The following CEP162 variants were observed in gnomAD, a reference collection of about 807,000 sequenced individuals.
CEP162 encodes the protein centrosomal protein 162, also known as centrosomal protein of 162 kDa.
In CEP162, 141 loss-of-function variants were observed where a neutral mutation model predicts 169.2. That is an observed-to-expected ratio of 0.83 (90% CI 0.73 to 0.96). The LOEUF is 0.96. Ranked by LOEUF, CEP162 falls within the 40% of genes least tolerant of loss-of-function variation. CEP162 has a pLI of 0.00. For synonymous variants in CEP162, 540 were observed against 526.4 expected, an observed-to-expected ratio of 1.03 and a Z score of -0.35; for missense variants, 1,600 against 1,587.2, an observed-to-expected ratio of 1.01 and a Z score of -0.14.
At chr6:84,166,401 G>A (rs1243545710) in intron 18 of CEP162, among the ~76,000 whole-genome samples, 2 of 152,088 alleles carry the variant, frequency 1.3e-5, no homozygotes, top group Non-Finnish European at 2.9e-5. Context: ...GAGCTTTCCT[G>A]TCCACACTAT....
At chr6:84,162,997 T>C in intron 19 of CEP162, 147 bp downstream of exon 19, 1 of 724,958 alleles carries the variant, frequency 1.4e-6, no homozygotes, top group Non-Finnish European at 2.2e-6. Context: ...ACACATCTTT[T>C]AATAACTAAT....
chr6:84,166,398 C>T (rs1208123304), intron 18 of CEP162, among the ~76,000 whole-genome samples: 1 of 152,196 alleles, frequency 6.6e-6, no homozygotes, highest in East Asian at 1.9e-4. Context: ...AGAGAGCTTT[C>T]CTGTCCACAC....
rs1303194821 is a variant in CEP162 at position 84,171,716 on chromosome 6, T to C, written c.2169A>G (p.Glu723=). ...TTACTTGATTATATAATCGTTCATT[T>C]TCCTTTTTAAAAACAGAAAACTGCA... ...QETLLQGYQQ[E]NERLYNQVKD... The change falls in exon 17 of 27, where the codon GAA becomes GAG. Residue 723 remains glutamate (E), a splice_region_variant and synonymous_variant. Transcript: ENST00000403245. The C allele has an allele frequency of 1.4e-6, 2 of 1,409,304 alleles. No homozygotes were observed. The highest frequency in any genetic ancestry group is 2.5e-5 in the East Asian group (1 of 39,838). 87.3% of individuals were successfully genotyped at this position (1,409,304 alleles called of 1,614,324 possible).
rs558890436 is a variant in CEP162 at position 84,214,171 on chromosome 6, C to A, written c.503+1111G>T. ...GCAGGCGCCTGTAGTCCCAGCTACT[C>A]GGGAGGCTGAGGCAGGAGAATGGTG... On this transcript the variant is annotated intron_variant, in intron 5 of 26. Transcript: ENST00000403245. 3.3e-5 allele frequency among the ~76,000 whole-genome samples: 5 copies of A among 152,138 alleles called. No individual in the cohort carries two copies. The South Asian group carries it at 1.0e-3, about 32-fold the overall frequency.
At chr6:84,213,581 A>G (rs1167254726) in intron 5 of CEP162, among the ~76,000 whole-genome samples, 3 of 152,156 alleles carry the variant, frequency 2.0e-5, no homozygotes, top group Non-Finnish European at 4.4e-5. Flanking sequence ...AATCAGTTCT[A>G]CCTTTTCAGT....
At chr6:84,183,314 T>G (rs2099535711) in intron 13 of CEP162, among the ~76,000 whole-genome samples, 1 of 152,160 alleles carries the variant, frequency 6.6e-6, no homozygotes, top group African/African-American at 2.4e-5. Context: ...ACATTACCTC[T>G]GTCTTCATTC....
At chr6:84,183,147 T>C (rs2099535644) in intron 13 of CEP162, among the ~76,000 whole-genome samples, 1 of 152,202 alleles carries the variant, frequency 6.6e-6, no homozygotes, top group Admixed American at 6.5e-5. Context: ...TAAATTTTAA[T>C]AATGTGTTTT....
At chr6:84,226,724 A>T (rs987433121) in intron 1 of CEP162, among the ~76,000 whole-genome samples, 13 of 152,188 alleles carry the variant, frequency 8.5e-5, no homozygotes, top group Non-Finnish European at 1.5e-4. Context: ...TCCCAAACCT[A>T]TGTTTGTGTG....
At chr6:84,189,750 T>C (rs1182373014) in intron 11 of CEP162, among the ~76,000 whole-genome samples, 2 of 152,220 alleles carry the variant, frequency 1.3e-5, no homozygotes. Context: ...GGCTGAGGAA[T>C]GCGAGCACAC....
chr6:84,140,542 C>T (rs972606351), intron 25 of CEP162, among the ~76,000 whole-genome samples: 5 of 151,816 alleles, frequency 3.3e-5, no homozygotes, highest in African/African-American at 7.3e-5. Context: ...GTTTGTTTTT[C>T]GTAGAGACAG....
intron 21 of CEP162, among the ~76,000 whole-genome samples, chr6:84,156,763 CACACACACAA>C (rs1194253805): frequency 1.3e-5 from 2 of 151,994 alleles, no homozygotes; most frequent in Non-Finnish European, 1.5e-5. Flanking sequence ...CACACACACA[CACACACACAA>C]ACACACTATT....
At position 84,186,571 on chromosome 6, in the gene CEP162, G is replaced by T; in HGVS notation, c.1162C>A (p.Leu388Met). ...KETEFFSSLP[L>M]KMNPNILSQD... ...GACAAAATATTTGGGTTCATCTTCAGGGGTAAAGAGCTAAAAAATTCAGTT... is the reference window on the plus strand; with the variant it reads ...GACAAAATATTTGGGTTCATCTTCATGGGTAAAGAGCTAAAAAATTCAGTT... Residue 388 changes from leucine (L) to methionine (M), a missense_variant, in exon 12 of 27, where the codon CTG (leucine) becomes ATG (methionine). Coordinates refer to ENST00000403245, the MANE Select transcript of CEP162 (RefSeq NM_014895.4). 1 of 1,610,014 alleles carries T rather than the reference G, an allele frequency of 6.2e-7. No individual in the cohort carries two copies. Among genetic ancestry groups the T allele is most frequent in the Non-Finnish European group, 8.5e-7 (1 of 1,178,276 alleles).
intron 25 of CEP162, among the ~76,000 whole-genome samples, chr6:84,132,075 G>A (rs2099511781): frequency 6.6e-6 from 1 of 152,160 alleles, no homozygotes; most frequent in South Asian, 2.1e-4. Flanking sequence ...TGTCTGTAAA[G>A]GATTTTATTT....
chr6:84,180,370 A>T (rs1026644233), intron 13 of CEP162, among the ~76,000 whole-genome samples: 4 of 152,172 alleles, frequency 2.6e-5, no homozygotes, highest in Non-Finnish European at 4.4e-5. Flanking sequence ...TATTTATGAC[A>T]AACACACAGC....
intron 25 of CEP162, among the ~76,000 whole-genome samples, chr6:84,133,027 T>C (rs1175927055): frequency 6.6e-6 from 1 of 152,178 alleles, no homozygotes; most frequent in Admixed American, 6.5e-5. Context: ...GTGACCTAGA[T>C]ATGTGGTTTT....
At chr6:84,135,629 G>A (rs1206219706) in intron 25 of CEP162, among the ~76,000 whole-genome samples, 1 of 152,168 alleles carries the variant, frequency 6.6e-6, no homozygotes, top group African/African-American at 2.4e-5. Flanking sequence ...TTGGGAGGCT[G>A]AGACGGGTGA....
At chr6:84,207,627 T>G (rs1347581716) in intron 6 of CEP162, among the ~76,000 whole-genome samples, 1 of 151,568 alleles carries the variant, frequency 6.6e-6, no homozygotes, top group Admixed American at 6.6e-5. Context: ...AATGACGAGT[T>G]AACGGGTGCA....
Position 84,152,720 on chromosome 6 carries a change from C to T in CEP162, c.3454G>A (p.Gly1152Arg). The part of the protein sequence containing the change: ...SSKGNANSFP[G>R]TLDSKLYQPH... ...TGGTACAGCTTGCTGTCCAGGGTTC[C>T]AGGGAAGGAGTTAGCATTTCCTTTA... Residue 1152 changes from glycine to arginine, a missense_variant, in exon 23 of 27, where the codon GGA becomes AGA. By Grantham distance (125) the Gly-to-Arg change is moderately radical. Transcript: ENST00000403245. 1 of 1,613,152 alleles carries T rather than the reference C, an allele frequency of 6.2e-7. No individual in the cohort carries two copies. Among genetic ancestry groups the T allele is most frequent in the South Asian group, 1.1e-5 (1 of 90,992 alleles).
At chr6:84,156,303 A>C (rs1347546180) in intron 21 of CEP162, among the ~76,000 whole-genome samples, 2 of 152,184 alleles carry the variant, frequency 1.3e-5, no homozygotes, top group Non-Finnish European at 2.9e-5. Flanking sequence ...ACTTTTGAAC[A>C]CTGGCCCAGG....
Sources: allele counts gnomAD v4.1 joint callset (sites outside exome capture counted in the v4.1 genomes callset), GRCh38; gene constraint gnomAD v4.1.1; transcripts MANE v1.5; gene names NCBI Gene and HGNC (gene_info 2026-07-23, HGNC 2026-07-21).